The following HDAC4 variants were observed in gnomAD, a reference collection of about 807,000 sequenced individuals.
HDAC4 encodes the protein histone deacetylase A.
In HDAC4, 16 loss-of-function variants were observed where a neutral mutation model predicts 135.1. That is an observed-to-expected ratio of 0.12 (90% CI 0.08 to 0.18). The LOEUF (loss-of-function observed/expected upper bound fraction) is 0.18. Among genes scored for constraint, HDAC4 ranks in the 10% least tolerant of loss-of-function variants. The pLI, the probability that HDAC4 is intolerant of heterozygous loss-of-function variation, is 1.00. For synonymous variants in HDAC4, 685 were observed against 653.4 expected, an observed-to-expected ratio of 1.05 and a Z score of -0.74; for missense variants, 1,143 against 1,511.8, an observed-to-expected ratio of 0.76 and a Z score of 4.05.
intron 15 of HDAC4, among the ~76,000 whole-genome samples, chr2:239,105,224 C>T (rs986808458): frequency 6.6e-6 from 1 of 152,204 alleles, no homozygotes; most frequent in East Asian, 1.9e-4. Context: ...GGGCAGGGTG[C>T]AAATCCCAGT....
Position 239,053,488 on chromosome 2 carries a change from A to G in HDAC4, c.3202T>C (p.Ser1068Pro). Reference protein sequence around the residue: ...AETVTAMASLSVGVKPAEKRP... With the variant: ...AETVTAMASLPVGVKPAEKRP... ...TTTTCGGCGGGCTTCACGCCCACGG[A>G]CAGCGAGGCCATGGCGGTGACCGTC... Residue 1068 changes from serine to proline, a missense_variant, in exon 26 of 27, where the codon TCC becomes CCC. Coordinates refer to ENST00000543185, the MANE Select transcript of HDAC4 (RefSeq NM_001378414.1). 1 of 1,613,534 alleles carries G rather than the reference A, an allele frequency of 6.2e-7. No individual in the cohort carries two copies. Among genetic ancestry groups the G allele is most frequent in the Non-Finnish European group, 8.5e-7 (1 of 1,179,854 alleles).
chr2:239,161,268 T>C (rs901695643), intron 6 of HDAC4, among the ~76,000 whole-genome samples: 3 of 152,202 alleles, frequency 2.0e-5, no homozygotes, highest in East Asian at 3.8e-4. Flanking sequence ...AATGGTGCCT[T>C]TGAAAGAGCA....
intron 5 of HDAC4, among the ~76,000 whole-genome samples, chr2:239,168,608 C>G (rs115588400): frequency 2.4e-4 from 37 of 152,340 alleles, no homozygotes; most frequent in African/African-American, 8.9e-4. Flanking sequence ...ACCGTGTTTT[C>G]AAATGCTTAG....
chr2:239,064,517 T>C (rs138041913), intron 24 of HDAC4, among the ~76,000 whole-genome samples: 169 of 152,280 alleles, frequency 1.1e-3, no homozygotes, highest in African/African-American at 3.7e-3. Flanking sequence ...AGGAAGGTTC[T>C]GGTGCTGTGG....
In HDAC4 at chr2:239,146,061, G is replaced by A. The variant is rs908714223; in HGVS notation, c.734-1347C>T. Among the ~76,000 whole-genome samples, 1 of 152,134 alleles carries A rather than the reference G, an allele frequency of 6.6e-6. No homozygotes were observed. Among genetic ancestry groups the A allele is most frequent in the Admixed American group, 6.5e-5 (1 of 15,282 alleles). On this transcript the variant is annotated intron_variant, in intron 7 of 26. Transcript: ENST00000543185. The surrounding 1 kb of genome is among the most constrained non-coding windows in gnomAD (Gnocchi z 4.5). ...GAGCGAGGCCTCTGTGCTGTGGCACGGGGGACCTGGATGACGACAGATGAC... is the reference window on the plus strand; with the variant it reads ...GAGCGAGGCCTCTGTGCTGTGGCACAGGGGACCTGGATGACGACAGATGAC...
chr2:239,095,154 G>A (rs1214623024), intron 16 of HDAC4, 98 bp from the exon 17 acceptor site: 8 of 1,292,294 alleles, frequency 6.2e-6, no homozygotes, highest in Admixed American at 1.7e-5. Context: ...TGGCACTTGG[G>A]CATTTGTGGG....
At chr2:239,066,937 G>C in intron 23 of HDAC4, 82 bp from the exon 24 acceptor site, 1 of 1,525,986 alleles carries the variant, frequency 6.6e-7, no homozygotes, top group Non-Finnish European at 8.9e-7. Flanking sequence ...TCATGGCATC[G>C]TAAGAAGACT....
chr2:239,132,142 A>G (rs2040630854), intron 11 of HDAC4, among the ~76,000 whole-genome samples: 1 of 152,132 alleles, frequency 6.6e-6, no homozygotes, highest in African/African-American at 2.4e-5. Flanking sequence ...AATGACTACA[A>G]CAATGATGCC....
chr2:239,329,255 G>A (rs959679792), intron 2 of HDAC4, among the ~76,000 whole-genome samples: 2 of 152,116 alleles, frequency 1.3e-5, no homozygotes, highest in African/African-American at 4.8e-5. Context: ...CCCCAAAGGC[G>A]GGTCCTCCTA....
At chr2:239,104,031 T>G (rs561987845) in intron 15 of HDAC4, among the ~76,000 whole-genome samples, 1 of 152,224 alleles carries the variant, frequency 6.6e-6, no homozygotes, top group Non-Finnish European at 1.5e-5. Flanking sequence ...GAAGGTCTCT[T>G]GTTTAACAAA....
chr2:239,316,328 G>A (rs78393088), intron 2 of HDAC4, among the ~76,000 whole-genome samples: 62 of 152,312 alleles, frequency 4.1e-4, no homozygotes, highest in African/African-American at 1.5e-3. Context: ...GGCAGGCCCG[G>A]TGACTCTCAC....
chr2:239,183,793 C>G (rs1163151392), intron 4 of HDAC4, among the ~76,000 whole-genome samples: 1 of 152,182 alleles, frequency 6.6e-6, no homozygotes, highest in Non-Finnish European at 1.5e-5. Context: ...CTAATGCTCA[C>G]TGACAGCTGC....
chr2:239,312,682 G>A (rs558356552), intron 2 of HDAC4, among the ~76,000 whole-genome samples: 33 of 152,304 alleles, frequency 2.2e-4, no homozygotes, highest in African/African-American at 7.7e-4. Context: ...GGTCTGTGGC[G>A]TTTCTTCCAG....
chr2:239,174,273 C>G (rs2043619926), intron 5 of HDAC4, among the ~76,000 whole-genome samples: 1 of 152,134 alleles, frequency 6.6e-6, no homozygotes. Flanking sequence ...ACAGCATGTA[C>G]AACTGGCCAA....
chr2:239,094,860 C>G (rs537857847), intron 17 of HDAC4, 150 bp downstream of exon 17: 4 of 1,570,898 alleles, frequency 2.5e-6, no homozygotes, highest in African/African-American at 2.7e-5. Context: ...TCGGCTCACA[C>G]GGCCTTTGAA....
intron 8 of HDAC4, among the ~76,000 whole-genome samples, chr2:239,143,242 C>T (rs1480280706): frequency 6.8e-6 from 1 of 147,998 alleles, no homozygotes; most frequent in Non-Finnish European, 1.5e-5. Context: ...AAGACTCCGT[C>T]TCACCCACTG....
At chr2:239,368,241 C>G (rs770660165) in intron 1 of HDAC4, among the ~76,000 whole-genome samples, 2 of 152,116 alleles carry the variant, frequency 1.3e-5, no homozygotes, top group Non-Finnish European at 1.5e-5. Flanking sequence ...TGTTCCAACC[C>G]TCTTCCTTCG....
At chr2:239,391,457 C>CG (rs1456327666) in intron 1 of HDAC4, among the ~76,000 whole-genome samples, 1 of 152,158 alleles carries the variant, frequency 6.6e-6, no homozygotes, top group East Asian at 1.9e-4. Flanking sequence ...CAGCAGGCCC[C>CG]GGGCAGGGGA....
chr2:239,197,847 T>TTGTGTGTGCGTGTGTG (rs1553553324), intron 3 of HDAC4, among the ~76,000 whole-genome samples: 2 of 140,126 alleles, frequency 1.4e-5, no homozygotes, highest in African/African-American at 5.4e-5. Context: ...CACTAAAAGT[T>TTGTGTGTGCGTGTGTG]TGTGTGTGTG....
Sources: gnomAD v4.1 joint callset for allele counts (sites outside exome capture counted in the v4.1 genomes callset) on GRCh38, gnomAD v4.1.1 for gene constraint, Gnocchi (gnomAD v3.1) non-coding constraint, MANE v1.5 for transcripts, NCBI Gene and HGNC (gene_info 2026-07-23, HGNC 2026-07-21) for gene names.